Variants in FAT1 observed in about 807,000 individuals in gnomAD.
The protein encoded by FAT1 is protocadherin Fat 1.
A neutral mutation model predicts 329.8 loss-of-function variants in FAT1; 171 were observed. The observed-to-expected ratio is 0.52, with a 90% CI of 0.46 to 0.59. The LOEUF (loss-of-function observed/expected upper bound fraction) is 0.59. Among genes scored for constraint, FAT1 ranks in the 20% least tolerant of loss-of-function variants. The pLI is 0.00. For missense variants in FAT1, 5,672 were observed against 5,774.4 expected, an observed-to-expected ratio of 0.98 and a Z score of 0.57; for synonymous variants, 2,233 against 2,228.6, an observed-to-expected ratio of 1.00 and a Z score of -0.06.
At position 186,618,782 on chromosome 4, in the gene FAT1, C is replaced by T. The variant is rs751129087; in HGVS notation, c.7804G>A (p.Glu2602Lys). ...NAPQFRATKY[E>K]VNIGSSAAKG... ...GCAGCACTGGACCCGATATTCACTTCGTATTTGGTTGCTCGAAATTGTGGT... is the reference window on the plus strand; with the variant it reads ...GCAGCACTGGACCCGATATTCACTTTGTATTTGGTTGCTCGAAATTGTGGT... The change falls in exon 10 of 27, where the codon GAA becomes AAA. Residue 2602 changes from glutamate (E) to lysine (K), a missense_variant. This residue lies in a region of FAT1 where 3,966 missense variants were observed against 3,915.2 expected (regional missense o/e 1.01). Transcript: ENST00000441802. 48 of 1,613,884 alleles carry T rather than the reference C, an allele frequency of 3.0e-5. No individual in the cohort carries two copies. The highest frequency in any genetic ancestry group is 1.8e-4 in the East Asian group (8 of 44,890).
chr4:186,708,651 G>A lies in FAT1; in HGVS notation c.1177C>T (p.Pro393Ser), dbSNP rs773408982. The stretch of plus-strand genomic sequence containing the variant: ...ACATACCTCAAATGGGAATAAGCAG[G>A]AATGGCCTTTACCATGACCACAGGT... ...NTPVVMVKAI[P>S]AYSHLRYVFK... Residue 393 changes from proline (P) to serine (S), a missense_variant, in exon 2 of 27, where the codon CCT (proline) becomes TCT (serine). Pro to Ser is a moderately conservative substitution (Grantham distance 74, BLOSUM62 -1). Transcript: ENST00000441802. 6.2e-7 allele frequency: 1 copy of A among 1,613,898 alleles called. No homozygotes were observed.
intron 3 of FAT1, among the ~76,000 whole-genome samples, chr4:186,655,809 A>T (rs945633706): frequency 6.6e-5 from 10 of 152,254 alleles, no homozygotes; most frequent in Non-Finnish European, 1.2e-4. Context: ...ACAGTATGCT[A>T]TCTGTATAAA....
chr4:186,707,355 C>T lies in FAT1; in HGVS notation c.2473G>A (p.Glu825Lys), dbSNP rs2126687845. Residue 825 changes from glutamate (E) to lysine (K), a missense_variant, in exon 2 of 27, where the codon GAG (glutamate) becomes AAG (lysine). Around this residue, in one of 2 missense-constraint regions of FAT1, gnomAD observed 3,966 missense variants for 3,915.2 expected, o/e 1.01. Coordinates refer to ENST00000441802, the MANE Select transcript of FAT1 (RefSeq NM_005245.4). ...ANDNPPEFLQ[E>K]SYFVEVSEDK... Reference sequence around the variant, plus strand: ...TCACTCACTTCCACAAAATAGCTCTCCTGTAAAAACTCGGGTGGATTATCA... The same window carrying T: ...TCACTCACTTCCACAAAATAGCTCTTCTGTAAAAACTCGGGTGGATTATCA... The T allele has an allele frequency of 3.1e-6, 5 of 1,614,004 alleles. No homozygotes were observed. The highest frequency in any genetic ancestry group is 4.2e-6 in the Non-Finnish European group (5 of 1,179,908).
Position 186,603,928 on chromosome 4 carries a change from A to T in FAT1, c.10598T>A (p.Ile3533Asn), listed in dbSNP as rs2126435471. 1 of 1,613,894 alleles carries T rather than the reference A, an allele frequency of 6.2e-7. No homozygotes were observed. The highest frequency in any genetic ancestry group is 8.5e-7 in the Non-Finnish European group (1 of 1,179,798). ...PQLSSLTYID[I>N]RVIEESIYPP... ...ATAGATGCTCTCCTCAATTACCCTAATGTCAATGTATGTCAAAGATGACAA... is the reference window on the plus strand; with the variant it reads ...ATAGATGCTCTCCTCAATTACCCTATTGTCAATGTATGTCAAAGATGACAA... Residue 3533 changes from isoleucine to asparagine, a missense_variant, in exon 19 of 27, where the codon ATT becomes AAT. Physicochemically the swap from Ile to Asn is moderately radical, Grantham distance 149. This residue lies in a region of FAT1 where 1,706 missense variants were observed against 1,859.1 expected (regional missense o/e 0.92). Coordinates refer to ENST00000441802, the MANE Select transcript of FAT1 (RefSeq NM_005245.4).
rs2126401270 is a variant in FAT1, at chr4:186,597,952, G to C, written c.12257+20C>G. 1 of 1,588,810 alleles carries C rather than the reference G, an allele frequency of 6.3e-7. No individual in the cohort carries two copies. Among genetic ancestry groups the C allele is most frequent in the Admixed American group, 1.8e-5 (1 of 54,366 alleles). Reference sequence around the variant, plus strand: ...TTTTATACTACAATTGATTATGAAAGTTAAGAAAAATACACATACCTCTGA... The same window carrying C: ...TTTTATACTACAATTGATTATGAAACTTAAGAAAAATACACATACCTCTGA... On this transcript the variant is annotated intron_variant, in intron 23 of 26. Coordinates refer to ENST00000441802, the MANE Select transcript of FAT1 (RefSeq NM_005245.4).
At chr4:186,721,874 TTTTC>T (rs1745483041) in intron 1 of FAT1, among the ~76,000 whole-genome samples, 1 of 152,198 alleles carries the variant, frequency 6.6e-6, no homozygotes, top group Non-Finnish European at 1.5e-5. Flanking sequence ...CTTTTCTTTT[TTTTC>T]CCCAGGCTGA....
intron 9 of FAT1, among the ~76,000 whole-genome samples, chr4:186,622,874 C>T (rs909244496): frequency 3.9e-5 from 6 of 152,222 alleles, no homozygotes; most frequent in African/African-American, 1.4e-4. Context: ...TTACCCAAAA[C>T]AAAGCTCACT....
chr4:186,709,422 T>G lies in FAT1; in HGVS notation c.406A>C (p.Arg136=). Residue 136 remains arginine, a synonymous_variant, in exon 2 of 27, where the codon AGG becomes CGG. Coordinates refer to ENST00000441802, the MANE Select transcript of FAT1 (RefSeq NM_005245.4). The part of the protein sequence containing the change: ...NTNVEARTKV[R]VQVLDTNDLR... ...TCATTTGTATCCAGCACCTGCACCC[T>G]GACCTTTGTTCGCGCCTCCACATTA... is the stretch of plus-strand genomic sequence containing the variant. 1 of 1,613,994 alleles carries G rather than the reference T, an allele frequency of 6.2e-7. No individual in the cohort carries two copies. The highest frequency in any genetic ancestry group is 1.3e-5 in the African/African-American group (1 of 75,036).
rs1219483061 is a variant in FAT1, at chr4:186,603,799, T to C, written c.10727A>G (p.Asp3576Gly). 2 of 1,613,904 alleles carry C rather than the reference T, an allele frequency of 1.2e-6. No homozygotes were observed. Residue 3576 changes from aspartate (D) to glycine (G), a missense_variant, in exon 19 of 27, where the codon GAT becomes GGT. This residue lies in a region of FAT1 where 1,706 missense variants were observed against 1,859.1 expected (regional missense o/e 0.92). Transcript: ENST00000441802. The part of the protein sequence containing the change: ...KIHATDQDVY[D>G]TLTYSLDPQM... The stretch of plus-strand genomic sequence containing the variant: ...AGGGTCGAGACTGTAGGTTAGAGTA[T>C]CATACACGTCCTGGTCTGTGGCATG...
chr4:186,614,193 G>A lies in FAT1; in HGVS notation c.9227C>T (p.Thr3076Ile). 1 of 1,597,162 alleles carries A rather than the reference G, an allele frequency of 6.3e-7. No homozygotes were observed. Among genetic ancestry groups the A allele is most frequent in the Non-Finnish European group, 8.5e-7 (1 of 1,174,654 alleles). The change falls in exon 12 of 27, where the codon ACA becomes ATA. Residue 3076 changes from threonine (T) to isoleucine (I), a missense_variant and splice_region_variant. Physicochemically the swap from Thr to Ile is moderately conservative, Grantham distance 89. Coordinates refer to ENST00000441802, the MANE Select transcript of FAT1 (RefSeq NM_005245.4). ...TTTGTCCCAAACTCCATCATTACCTGTGTCTGGATTTAGTTTGAATTTTTC... is the reference window on the plus strand; with the variant it reads ...TTTGTCCCAAACTCCATCATTACCTATGTCTGGATTTAGTTTGAATTTTTC... Reference protein sequence around the residue: ...GAEKFKLNPDTGELKTSTPLD... With the variant: ...GAEKFKLNPDIGELKTSTPLD...
chr4:186,631,204 A>C (rs553071401), intron 7 of FAT1, among the ~76,000 whole-genome samples: 1 of 152,276 alleles, frequency 6.6e-6, no homozygotes, highest in South Asian at 2.1e-4. Context: ...TCCCCGAGGT[A>C]TCCTAGTGTC....
chr4:186,635,952 A>C, intron 6 of FAT1, 73 bp downstream of exon 6: 2 of 1,345,414 alleles, frequency 1.5e-6, no homozygotes, highest in Non-Finnish European at 2.1e-6. Flanking sequence ...TTGTGCCCAA[A>C]ACTCATCAAA....
Position 186,589,221 on chromosome 4 carries a change from C to CT in FAT1, c.13139-2dup. The CT allele has an allele frequency of 6.3e-7, 1 of 1,595,038 alleles. No homozygotes were observed. The highest frequency in any genetic ancestry group is 8.5e-7 in the Non-Finnish European group (1 of 1,171,244). On this transcript the variant is annotated splice_acceptor_variant, in intron 26 of 26. Coordinates refer to ENST00000441802, the MANE Select transcript of FAT1 (RefSeq NM_005245.4). LOFTEE classifies it high-confidence loss of function. ...CAATCTGATGTATCCCAGTGATACCCTTGGTGGAAAAGAAAACAGATGTCA... is the reference window on the plus strand; with the variant it reads ...CAATCTGATGTATCCCAGTGATACCCTTTGGTGGAAAAGAAAACAGATGTCA...
At chr4:186,635,249 A>G (rs536165252) in intron 6 of FAT1, among the ~76,000 whole-genome samples, 1 of 152,312 alleles carries the variant, frequency 6.6e-6, no homozygotes, top group South Asian at 2.1e-4. Context: ...CCCCAGAGAG[A>G]TGAATCGCAA....
chr4:186,663,742 G>C (rs1435506668), intron 2 of FAT1, 129 bp from the exon 3 acceptor site: 12 of 669,226 alleles, frequency 1.8e-5, no homozygotes. Context: ...CCTTGAGCAG[G>C]TTAACCAGCC....
chr4:186,710,551 A>T (rs892957684), intron 1 of FAT1, among the ~76,000 whole-genome samples: 1 of 152,220 alleles, frequency 6.6e-6, no homozygotes, highest in Admixed American at 6.5e-5. Flanking sequence ...AAGAAAGGCA[A>T]TTTACAAAAG....
At chr4:186,718,537 T>G (rs1166020840) in intron 1 of FAT1, among the ~76,000 whole-genome samples, 1 of 152,000 alleles carries the variant, frequency 6.6e-6, no homozygotes, top group Non-Finnish European at 1.5e-5. Flanking sequence ...CGTGGTGGCA[T>G]GCACCTGTAG....
chr4:186,678,831 A>G (rs754392113), intron 2 of FAT1, among the ~76,000 whole-genome samples: 16 of 152,088 alleles, frequency 1.1e-4, no homozygotes, highest in Non-Finnish European at 2.2e-4. Context: ...TGACCCAGCA[A>G]TCCCATTACT....
chr4:186,677,328 T>C lies in FAT1; in HGVS notation c.3266-13715A>G, dbSNP rs559601134. Among the ~76,000 whole-genome samples the C allele has an allele frequency of 5.1e-4, 78 of 152,292 alleles. 1 individual carries two copies. Among genetic ancestry groups the C allele is most frequent in the African/African-American group, 1.7e-3 (69 of 41,576 alleles). On this transcript the variant is annotated intron_variant, in intron 2 of 26. Coordinates refer to ENST00000441802, the MANE Select transcript of FAT1 (RefSeq NM_005245.4). ...GATAACCTAGGAGAAACTTCAGATATGTCCTTTTATGCTAACGCTTCATAT... is the reference window on the plus strand; with the variant it reads ...GATAACCTAGGAGAAACTTCAGATACGTCCTTTTATGCTAACGCTTCATAT...
Sources: gnomAD v4.1 joint callset for allele counts (sites outside exome capture counted in the v4.1 genomes callset) on GRCh38, gnomAD v4.1.1 for gene constraint, gnomAD v4.1.1 regional missense constraint, MANE v1.5 for transcripts, NCBI Gene and HGNC (gene_info 2026-07-23, HGNC 2026-07-21) for gene names.